The following TMEM67 variants were observed in gnomAD, a reference collection of about 807,000 sequenced individuals.
TMEM67 encodes transmembrane protein 67.
TMEM67 carries 124 observed loss-of-function variants against 136.6 expected under a neutral mutation model. That is an observed-to-expected ratio of 0.91 (90% CI 0.78 to 1.05). The LOEUF is 1.05. Among genes scored for constraint, TMEM67 ranks in the 50% least tolerant of loss-of-function variants. The probability of loss-of-function intolerance (pLI) is 0.00; values close to 1 mark genes in which losing one functional copy is unlikely to be tolerated. For missense variants in TMEM67, 1,107 were observed against 1,178.4 expected (o/e 0.94, Z 0.89); for synonymous variants, 364 against 390.5 (o/e 0.93, Z 0.80).
At chr8:93,818,701 T>G (rs1207325071), downstream of TMEM67, among the ~76,000 whole-genome samples, 1 of 152,228 alleles carries the variant, frequency 6.6e-6, no homozygotes. Context: ...TATCTTGAAC[T>G]AAGTCATTTG....
chr8:93,804,945 G>GT, intron 23 of TMEM67, 67 bp downstream of exon 23: 1 of 937,764 alleles, frequency 1.1e-6, no homozygotes, highest in East Asian at 2.5e-5. Flanking sequence ...TGCTGGATTT[G>GT]TTTTAAAAAA....
Position 93,765,574 on chromosome 8 carries a change from A to C in TMEM67, c.579A>C (p.Thr193=). Residue 193 remains threonine, a splice_region_variant and synonymous_variant, in exon 6 of 28, where the codon ACA becomes ACC. Coordinates refer to ENST00000453321, the MANE Select transcript of TMEM67 (RefSeq NM_153704.6). ...TTTTCCCTCATTTATTTATGAAGAC[A>C]GGGGGATTATGTTTCAGCAGCACAG... ...SCACSEPNIL[T]GGLCFSSTGN... is the part of the protein sequence containing the mutation. The C allele has an allele frequency of 6.2e-7, 1 of 1,611,310 alleles. No individual in the cohort carries two copies. The highest frequency in any genetic ancestry group is 8.5e-7 in the Non-Finnish European group (1 of 1,177,574).
chr8:93,807,325 T>C (rs1367331188), intron 23 of TMEM67, among the ~76,000 whole-genome samples: 1 of 152,172 alleles, frequency 6.6e-6, no homozygotes, highest in Non-Finnish European at 1.5e-5. Context: ...CTACTTAAAT[T>C]CAGGATCTTT....
At chr8:93,786,660 A>G (rs1457633358) in intron 13 of TMEM67, among the ~76,000 whole-genome samples, 1 of 152,226 alleles carries the variant, frequency 6.6e-6, no homozygotes, top group Non-Finnish European at 1.5e-5. Flanking sequence ...AGCTTGCCAG[A>G]TGATTGTTAA....
intron 9 of TMEM67, 115 bp downstream of exon 9, chr8:93,781,097 C>G (rs1378964948): frequency 2.7e-6 from 2 of 727,496 alleles, no homozygotes; most frequent in Non-Finnish European, 4.9e-6. Context: ...AGTTACTAAA[C>G]TAAATATAAA....
At chr8:93,778,115 C>T (rs1813641199) in intron 7 of TMEM67, among the ~76,000 whole-genome samples, 1 of 152,154 alleles carries the variant, frequency 6.6e-6, no homozygotes, top group Non-Finnish European at 1.5e-5. Context: ...TAATGCCCTT[C>T]TTTGTCTCTT....
chr8:93,830,566 T>G, the TMEM67 span, among the ~76,000 whole-genome samples: 4 of 152,162 alleles, frequency 2.6e-5, no homozygotes. Flanking sequence ...GGGTACCAGG[T>G]TGGTGTCCGC....
At chr8:93,812,153 A>G in intron 26 of TMEM67, among the ~76,000 whole-genome samples, 1 of 151,442 alleles carries the variant, frequency 6.6e-6, no homozygotes, top group East Asian at 1.9e-4. Flanking sequence ...CTGTCTCAAA[A>G]AAAAAAAAAA....
intron 22 of TMEM67, 51 bp downstream of exon 22, chr8:93,803,735 G>A (rs777084607): frequency 4.5e-6 from 5 of 1,120,414 alleles, no homozygotes; most frequent in African/African-American, 1.5e-5. Flanking sequence ...CTTTTTAAAG[G>A]TCATGAGTTT....
At chr8:93,809,957 A>G (rs1282812546) in intron 26 of TMEM67, 70 bp downstream of exon 26, 21 of 956,664 alleles carry the variant, frequency 2.2e-5, no homozygotes, top group Non-Finnish European at 1.7e-5. Flanking sequence ...GCTTGTAGAT[A>G]TTTTTCTTTT....
intron 20 of TMEM67, 109 bp downstream of exon 20, chr8:93,797,579 T>C: frequency 9.3e-7 from 1 of 1,076,774 alleles, no homozygotes; most frequent in Non-Finnish European, 1.4e-6. Context: ...CTCTAAAGGT[T>C]GAAATATTGT....
In TMEM67 at chr8:93,781,607, T is replaced by G. The variant is rs753099940; in HGVS notation, c.979-51T>G. 1.5e-5 allele frequency: 12 copies of G among 820,368 alleles called. No homozygotes were observed. The East Asian group carries it at 2.8e-4, about 19-fold the overall frequency. The allele number at this position is 820,368 out of a possible 1,614,324, so 50.8% of individuals were successfully genotyped here. ...CAATGAAAATTTCTTTATAGGATAT[T>G]GTATTACTTTCAGAGTATTTGACCT... On this transcript the variant is annotated intron_variant, in intron 9 of 27. Coordinates refer to ENST00000453321, the MANE Select transcript of TMEM67 (RefSeq NM_153704.6).
the TMEM67 span, among the ~76,000 whole-genome samples, chr8:93,829,961 A>G: frequency 6.6e-6 from 1 of 152,074 alleles, no homozygotes; most frequent in Non-Finnish European, 1.5e-5. Context: ...AAATTCCCTG[A>G]GCTACCTTGT....
At chr8:93,794,855 G>A (rs554894807) in intron 16 of TMEM67, 1 of 163,190 alleles carries the variant, frequency 6.1e-6, no homozygotes, top group Admixed American at 5.8e-5. Context: ...GAGAGGGGAA[G>A]AGAAGAATAT....
rs1814168946 is a variant in TMEM67 at position 93,787,572 on chromosome 8, GCTT to G, written c.1413-269_1413-267del. Among the ~76,000 whole-genome samples, 3 of 152,276 alleles carry G rather than the reference GCTT, an allele frequency of 2.0e-5. No homozygotes were observed. In the East Asian group the frequency reaches 5.8e-4, roughly 29 times the overall value. On this transcript the variant is annotated intron_variant, in intron 13 of 27. Transcript: ENST00000453321. ...GTAAACTTCACAGGACTTGGATTGA[GCTT>G]CTAATTTATCTCAGATGGTACATTT...
At chr8:93,786,761 A>G (rs1193340287) in intron 13 of TMEM67, among the ~76,000 whole-genome samples, 5 of 152,104 alleles carry the variant, frequency 3.3e-5, no homozygotes, top group Non-Finnish European at 7.4e-5. Flanking sequence ...TTCCTAGGAT[A>G]ATCTCATTAT....
chr8:93,809,657 C>A (rs1808617436), intron 25 of TMEM67, 128 bp from the exon 26 acceptor site: 1 of 642,598 alleles, frequency 1.6e-6, no homozygotes, highest in Non-Finnish European at 2.7e-6. Context: ...TAACTTCAGT[C>A]TTTTTGAAGA....
chr8:93,777,025 C>T (rs573798259), intron 7 of TMEM67, among the ~76,000 whole-genome samples: 1 of 152,292 alleles, frequency 6.6e-6, no homozygotes. Context: ...GCCTCAATTT[C>T]AGATGCTGTT....
intron 26 of TMEM67, among the ~76,000 whole-genome samples, chr8:93,811,711 C>T (rs1473579556): frequency 3.3e-5 from 5 of 151,856 alleles, no homozygotes; most frequent in South Asian, 2.1e-4. Flanking sequence ...ATATCTATTA[C>T]GGGTTGCATG....
Sources: gnomAD v4.1 joint callset for allele counts (sites outside exome capture counted in the v4.1 genomes callset) on GRCh38, gnomAD v4.1.1 for gene constraint, MANE v1.5 for transcripts, NCBI Gene and HGNC (gene_info 2026-07-23, HGNC 2026-07-21) for gene names.